Variants in AGAP1 observed in about 807,000 individuals in gnomAD.
The protein encoded by AGAP1 is arf-GAP with GTPase, ANK repeat and PH domain-containing protein 1.
Under a neutral mutation model 105.3 loss-of-function variants are expected in AGAP1, and 29 were observed. That is an observed-to-expected ratio of 0.28 (90% CI 0.21 to 0.38). The LOEUF (loss-of-function observed/expected upper bound fraction) is 0.38. AGAP1 is among the 10% of genes least tolerant of loss of function. The pLI, the probability that AGAP1 is intolerant of heterozygous loss-of-function variation, is 1.00. For synonymous variants in AGAP1, 509 were observed against 485.9 expected (o/e 1.05, Z -0.63); for missense variants, 998 against 1,165.1 (o/e 0.86, Z 2.09).
In AGAP1 at chr2:235,517,993, C is replaced by T. The variant is rs1448330292; in HGVS notation, c.163+23144C>T. Among the ~76,000 whole-genome samples, 1 of 151,668 alleles carries T rather than the reference C, an allele frequency of 6.6e-6. No individual in the cohort carries two copies. The highest frequency in any genetic ancestry group is 1.5e-5 in the Non-Finnish European group (1 of 67,990). Reference sequence around the variant, plus strand: ...CATAGTTGCCATTGAGGTCTGAGTCCCGGCTTGCCTCAGTTGGGGTTCTTG... The same window carrying T: ...CATAGTTGCCATTGAGGTCTGAGTCTCGGCTTGCCTCAGTTGGGGTTCTTG... On this transcript the variant is annotated intron_variant, in intron 1 of 17. Coordinates refer to ENST00000304032, the MANE Select transcript of AGAP1 (RefSeq NM_001037131.3). This position sits in a 1 kb window ranked among gnomAD's most constrained non-coding sequence, Gnocchi z 4.1.
At chr2:235,708,222 A>C (rs1464250670) in intron 1 of AGAP1, among the ~76,000 whole-genome samples, 1 of 152,202 alleles carries the variant, frequency 6.6e-6, no homozygotes, top group African/African-American at 2.4e-5. Flanking sequence ...TTGGAAGTAA[A>C]TCCCATGTGG....
intron 9 of AGAP1, among the ~76,000 whole-genome samples, chr2:235,849,290 A>G (rs1961872870): frequency 6.6e-6 from 1 of 152,196 alleles, no homozygotes; most frequent in African/African-American, 2.4e-5. Context: ...TCCTGGGAAA[A>G]GTTGCAAGTG....
intron 9 of AGAP1, among the ~76,000 whole-genome samples, chr2:235,858,893 A>G (rs896868871): frequency 6.6e-5 from 10 of 152,248 alleles, no homozygotes; most frequent in Non-Finnish European, 1.0e-4. Context: ...CCTCATAAAT[A>G]CTGCCAGTCT....
chr2:235,947,383 G>A (rs1299327592), intron 12 of AGAP1, among the ~76,000 whole-genome samples: 1 of 152,046 alleles, frequency 6.6e-6, no homozygotes, highest in Non-Finnish European at 1.5e-5. Flanking sequence ...ATCTGCCCAG[G>A]TTGCTGTAAA....
chr2:235,624,297 C>T (rs976396100), intron 1 of AGAP1, among the ~76,000 whole-genome samples: 3 of 152,148 alleles, frequency 2.0e-5, no homozygotes, highest in Non-Finnish European at 4.4e-5. Flanking sequence ...CAGTGGAAGT[C>T]CCCTTGCCCC....
chr2:235,871,759 T>C (rs2049454618), intron 9 of AGAP1, among the ~76,000 whole-genome samples: 2 of 152,200 alleles, frequency 1.3e-5, no homozygotes, highest in Non-Finnish European at 2.9e-5. Flanking sequence ...GACTTATCTG[T>C]CAGAGCTTCC....
In AGAP1 at chr2:235,855,909, C is replaced by T. The variant is rs1575622907; in HGVS notation, c.1051-27436C>T. On this transcript the variant is annotated intron_variant, in intron 9 of 17. Coordinates refer to ENST00000304032, the MANE Select transcript of AGAP1 (RefSeq NM_001037131.3). This position sits in a 1 kb window ranked among gnomAD's most constrained non-coding sequence, Gnocchi z 5.0. ...GAAGTACTGAGAATATTATTATTAT[C>T]ATTATTATTATTATTTTCTTTTGAG... Among the ~76,000 whole-genome samples, 2 of 151,958 alleles carry T rather than the reference C, an allele frequency of 1.3e-5. 1 individual carries two copies. Among genetic ancestry groups the T allele is most frequent in the Middle Eastern group, 6.8e-3 (2 of 294 alleles).
chr2:235,699,145 G>A (rs1229251592), intron 1 of AGAP1, among the ~76,000 whole-genome samples: 3 of 151,298 alleles, frequency 2.0e-5, no homozygotes, highest in Non-Finnish European at 4.4e-5. Flanking sequence ...CGGGCAGGAC[G>A]TCCCTACATG....
rs2149547720 is a variant in AGAP1, at chr2:235,717,622, T to C, written c.288T>C (p.Tyr96=). The change falls in exon 3 of 18, where the codon TAT becomes TAC. Residue 96 remains tyrosine, a synonymous_variant. Transcript: ENST00000304032. ...ALVHRYLTGT[Y]VQEESPEGGR... ...TGCACCGGTACCTGACGGGCACATA[T>C]GTCCAGGAGGAGTCTCCGGAAGGTA... 1 of 1,604,634 alleles carries C rather than the reference T, an allele frequency of 6.2e-7. No individual in the cohort carries two copies. The highest frequency in any genetic ancestry group is 8.5e-7 in the Non-Finnish European group (1 of 1,178,100).
At chr2:235,632,809 T>C (rs73996199) in intron 1 of AGAP1, among the ~76,000 whole-genome samples, 148 of 152,306 alleles carry the variant, frequency 9.7e-4, no homozygotes, top group African/African-American at 3.2e-3. Context: ...TTTCCTCTTG[T>C]GGCACCTGGT....
chr2:235,613,263 T>C (rs1946198768), intron 1 of AGAP1, among the ~76,000 whole-genome samples: 1 of 152,202 alleles, frequency 6.6e-6, no homozygotes, highest in Non-Finnish European at 1.5e-5. Flanking sequence ...CCAAAAGTGC[T>C]GGGATTACAG....
chr2:236,015,739 A>T (rs992957891), intron 13 of AGAP1, among the ~76,000 whole-genome samples: 3 of 152,186 alleles, frequency 2.0e-5, no homozygotes, highest in African/African-American at 7.2e-5. Flanking sequence ...CTTAAGTGCA[A>T]GCCAAATGGG....
In AGAP1 at chr2:236,120,120, C is replaced by A; in HGVS notation, c.2115-72C>A. 4 of 1,549,254 alleles carry A rather than the reference C, an allele frequency of 2.6e-6. No individual in the cohort carries two copies. Among genetic ancestry groups the A allele is most frequent in the Non-Finnish European group, 3.5e-6 (4 of 1,147,022 alleles). On this transcript the variant is annotated intron_variant, in intron 16 of 17. Transcript: ENST00000304032. The surrounding 1 kb of genome is among the most constrained non-coding windows in gnomAD (Gnocchi z 6.0). ...CTTCCCTCTCGGCTTCTCCCGACCA[C>A]ACTGGGCAGGGGCTGGCAGCCTGTG...
chr2:235,796,499 G>T (rs1183032270), intron 6 of AGAP1, among the ~76,000 whole-genome samples: 1 of 152,130 alleles, frequency 6.6e-6, no homozygotes, highest in African/African-American at 2.4e-5. Context: ...CTTTCAGGAT[G>T]ATAAGAGGCC....
In AGAP1 at chr2:235,709,357, G is replaced by C. The variant is rs947711136; in HGVS notation, c.222+120G>C. On this transcript the variant is annotated intron_variant, in intron 2 of 17. Transcript: ENST00000304032. ...GCCCAGAGTGGAAGTGTGACTCTGG[G>C]TGTGTTCCTGGGAAGGGCCAGGTAT... The C allele has an allele frequency of 1.2e-5, 14 of 1,195,046 alleles. No homozygotes were observed. In the Admixed American group the frequency reaches 2.4e-4, roughly 21 times the overall value. 74.0% of individuals were successfully genotyped at this position (1,195,046 alleles called of 1,614,324 possible).
In AGAP1 at chr2:235,653,281, C is replaced by T. The variant is rs374842601; in HGVS notation, c.164-55898C>T. On this transcript the variant is annotated intron_variant, in intron 1 of 17. Transcript: ENST00000304032. ...GAGATCGAGACCATCCTGGCTATCA[C>T]GGTGAAACACTGTCTCTCCTAAAAA... 8.0e-4 allele frequency among the ~76,000 whole-genome samples: 122 copies of T among 151,970 alleles called. 2 individuals are homozygous for T. In the South Asian group the frequency reaches 0.025, roughly 31 times the overall value.
intron 9 of AGAP1, among the ~76,000 whole-genome samples, chr2:235,873,382 C>T (rs751531482): frequency 6.6e-6 from 1 of 152,230 alleles, no homozygotes; most frequent in Non-Finnish European, 1.5e-5. Flanking sequence ...CCCCAGCCAA[C>T]GTCTTCACTC....
In AGAP1 at chr2:235,848,199, C is replaced by T. The variant is rs538908273; in HGVS notation, c.1051-35146C>T. ...CAGGTTAAGGTCCCTTGCCTGGCTC[C>T]TCACAGTGCCCTGGGCATGGTCCTA... On this transcript the variant is annotated intron_variant, in intron 9 of 17. Coordinates refer to ENST00000304032, the MANE Select transcript of AGAP1 (RefSeq NM_001037131.3). Among the ~76,000 whole-genome samples, 3 of 152,310 alleles carry T rather than the reference C, an allele frequency of 2.0e-5. No homozygotes were observed. The East Asian group carries it at 5.8e-4, about 29-fold the overall frequency.
At chr2:236,025,908 G>GTGGGTGGATGGATGGATGGA (rs547504974) in intron 13 of AGAP1, among the ~76,000 whole-genome samples, 16 of 100,370 alleles carry the variant, frequency 1.6e-4, no homozygotes, top group South Asian at 1.5e-3. Flanking sequence ...TCTCGGGTGG[G>GTGGGTGGATGGATGGATGGA]TGGATGGATG....
Sources: gnomAD v4.1 joint callset for allele counts (sites outside exome capture counted in the v4.1 genomes callset) on GRCh38, gnomAD v4.1.1 for gene constraint, Gnocchi (gnomAD v3.1) non-coding constraint, MANE v1.5 for transcripts, NCBI Gene and HGNC (gene_info 2026-07-23, HGNC 2026-07-21) for gene names.